Variants in INTS4 observed in about 807,000 individuals in gnomAD.
INTS4 encodes MSTP093.
In INTS4, 70 loss-of-function variants were observed where a neutral mutation model predicts 119.5. The observed-to-expected ratio is 0.59, with a 90% CI of 0.48 to 0.71. The LOEUF (loss-of-function observed/expected upper bound fraction) is 0.71. Among genes scored for constraint, INTS4 ranks in the 30% least tolerant of loss-of-function variants. INTS4 has a pLI of 0.00. For missense variants in INTS4, 867 were observed against 1,173.2 expected (o/e 0.74, Z 3.81); for synonymous variants, 316 against 419.6 (o/e 0.75, Z 3.02).
chr11:77,921,258 C>T, intron 14 of INTS4, 82 bp downstream of exon 14: 2 of 1,422,390 alleles, frequency 1.4e-6, no homozygotes, highest in Non-Finnish European at 1.9e-6. Flanking sequence ...TAACAAGACC[C>T]CCATCTCAAA....
At chr11:77,887,291 C>T (rs1952054809) in intron 21 of INTS4, among the ~76,000 whole-genome samples, 1 of 152,116 alleles carries the variant, frequency 6.6e-6, no homozygotes, top group Admixed American at 6.5e-5. Context: ...TAAATGTAAT[C>T]CATCATATAA....
chr11:77,989,953 C>T (rs902809104), intron 2 of INTS4, among the ~76,000 whole-genome samples: 2 of 152,212 alleles, frequency 1.3e-5, no homozygotes, highest in African/African-American at 4.8e-5. Context: ...TGGTAGCTCA[C>T]GCTTGCAATC....
chr11:77,946,319 C>T (rs1235333614), intron 8 of INTS4, among the ~76,000 whole-genome samples: 2 of 152,100 alleles, frequency 1.3e-5, no homozygotes, highest in African/African-American at 4.8e-5. Flanking sequence ...TACCCTAAAA[C>T]CATCTACAGA....
intron 4 of INTS4, among the ~76,000 whole-genome samples, chr11:77,968,358 T>C (rs1398842252): frequency 6.6e-6 from 1 of 152,208 alleles, no homozygotes; most frequent in Non-Finnish European, 1.5e-5. Flanking sequence ...GGATGAACTT[T>C]GAGGACATTA....
intron 15 of INTS4, among the ~76,000 whole-genome samples, chr11:77,913,875 C>A (rs1425904878): frequency 6.4e-4 from 97 of 152,094 alleles, no homozygotes; most frequent in East Asian, 3.1e-3. Flanking sequence ...CATCAGAGAA[C>A]CTTCTGTATG....
chr11:77,981,739 TTTTA>T (rs56771826), intron 2 of INTS4, among the ~76,000 whole-genome samples, 163 bp from the exon 3 acceptor site: 39,942 of 149,476 alleles, frequency 0.27, 5,613 homozygotes, highest in African/African-American at 0.35. Flanking sequence ...GACAGCTTTC[TTTTA>T]TTTATTTATT....
intron 3 of INTS4, among the ~76,000 whole-genome samples, chr11:77,980,134 C>A (rs1856148346): frequency 6.6e-6 from 1 of 151,326 alleles, no homozygotes; most frequent in South Asian, 2.1e-4. Flanking sequence ...TTTTTCAGGT[C>A]TCCTTTAACA....
At chr11:77,975,365 A>C (rs1423124191) in intron 4 of INTS4, among the ~76,000 whole-genome samples, 1 of 152,044 alleles carries the variant, frequency 6.6e-6, no homozygotes, top group African/African-American at 2.4e-5. Context: ...TTTAATTTCC[A>C]CATTTGTGGG....
chr11:77,908,497 T>A (rs2136457075), intron 15 of INTS4, among the ~76,000 whole-genome samples: 1 of 152,232 alleles, frequency 6.6e-6, no homozygotes, highest in African/African-American at 2.4e-5. Flanking sequence ...CCCAGCTAAT[T>A]TTTGTATTTT....
intron 4 of INTS4, among the ~76,000 whole-genome samples, chr11:77,974,892 C>A (rs1480088780): frequency 1.3e-5 from 2 of 152,100 alleles, no homozygotes; most frequent in East Asian, 3.8e-4. Flanking sequence ...AAGCCACCGC[C>A]CTCGACAGTA....
intron 16 of INTS4, 141 bp from the exon 17 acceptor site, chr11:77,903,761 G>A (rs1268445754): frequency 1.5e-6 from 1 of 650,864 alleles, no homozygotes; most frequent in African/African-American, 1.8e-5. Flanking sequence ...AACCCAATAA[G>A]CTGTATCTAT....
chr11:77,967,931 CA>C (rs1855566245), intron 4 of INTS4, among the ~76,000 whole-genome samples: 1 of 152,178 alleles, frequency 6.6e-6, no homozygotes, highest in African/African-American at 2.4e-5. Flanking sequence ...GTGATTTCAT[CA>C]TTGTGCAAAC....
chr11:77,968,367 T>C (rs1304276408), intron 4 of INTS4, among the ~76,000 whole-genome samples: 1 of 152,198 alleles, frequency 6.6e-6, no homozygotes, highest in African/African-American at 2.4e-5. Context: ...TTGAGGACAT[T>C]ATGCTAAGAA....
chr11:77,928,674 C>G, intron 10 of INTS4, 127 bp from the exon 11 acceptor site: 1 of 1,388,236 alleles, frequency 7.2e-7, no homozygotes, highest in Non-Finnish European at 9.6e-7. Context: ...TGGTAAAACT[C>G]TGTTTCTACC....
intron 10 of INTS4, among the ~76,000 whole-genome samples, chr11:77,933,517 A>T (rs1192860059): frequency 1.3e-5 from 2 of 152,040 alleles, no homozygotes; most frequent in African/African-American, 4.8e-5. Flanking sequence ...GAGTCTCGCT[A>T]ATTCAGTGCT....
chr11:77,967,458 C>G (rs1477250284), intron 4 of INTS4, among the ~76,000 whole-genome samples: 1 of 152,156 alleles, frequency 6.6e-6, no homozygotes, highest in Non-Finnish European at 1.5e-5. Context: ...GTTGTTTAAG[C>G]CATCCAGCCT....
At chr11:77,970,117 C>G (rs1269566669) in intron 4 of INTS4, among the ~76,000 whole-genome samples, 1 of 152,194 alleles carries the variant, frequency 6.6e-6, no homozygotes, top group Admixed American at 6.5e-5. Flanking sequence ...AACCATAGGG[C>G]CAGGTGCAGT....
At chr11:77,962,722 A>G (rs186770789) in intron 4 of INTS4, among the ~76,000 whole-genome samples, 29 of 152,312 alleles carry the variant, frequency 1.9e-4, no homozygotes, top group African/African-American at 6.0e-4. Flanking sequence ...TTTCAAAAAA[A>G]AAAATTACGT....
downstream of INTS4, among the ~76,000 whole-genome samples, chr11:77,878,240 T>C (rs2136341423): frequency 6.6e-6 from 1 of 152,046 alleles, no homozygotes; most frequent in East Asian, 1.9e-4. Context: ...CAGGCGCCTG[T>C]AGTCCCACCT....
Sources: gnomAD v4.1 joint callset for allele counts (sites outside exome capture counted in the v4.1 genomes callset) on GRCh38, gnomAD v4.1.1 for gene constraint, MANE v1.5 for transcripts, NCBI Gene and HGNC (gene_info 2026-07-23, HGNC 2026-07-21) for gene names.